Variants in EPHA4 observed in about 807,000 individuals in gnomAD.
EPHA4 encodes ephrin type-A receptor 4.
Under a neutral mutation model 108.3 loss-of-function variants are expected in EPHA4, and 19 were observed. The observed-to-expected ratio is 0.18, with a 90% confidence interval of 0.12 to 0.26. EPHA4 has a LOEUF of 0.26. Among genes scored for constraint, EPHA4 ranks in the 10% least tolerant of loss-of-function variants. The pLI, the probability that EPHA4 is intolerant of heterozygous loss-of-function variation, is 1.00. For missense variants in EPHA4, 917 were observed against 1,254.0 expected, an observed-to-expected ratio of 0.73 and a Z score of 4.06; for synonymous variants, 449 against 455.5, an observed-to-expected ratio of 0.99 and a Z score of 0.18.
chr2:221,548,357 C>T (rs890204396), intron 3 of EPHA4, among the ~76,000 whole-genome samples: 3 of 150,370 alleles, frequency 2.0e-5, no homozygotes, highest in African/African-American at 7.4e-5. Flanking sequence ...AGCGAGAGTC[C>T]GTCTCAAAAA....
chr2:221,426,250 C>T, intron 16 of EPHA4, 108 bp from the exon 17 acceptor site: 1 of 1,087,868 alleles, frequency 9.2e-7, no homozygotes, highest in Non-Finnish European at 1.4e-6. Context: ...ATTAATACAG[C>T]ACAACAAGGC....
chr2:221,424,433 A>C (rs918811323), intron 17 of EPHA4, among the ~76,000 whole-genome samples: 4 of 152,086 alleles, frequency 2.6e-5, no homozygotes, highest in Non-Finnish European at 5.9e-5. Context: ...AAGGTCGTTA[A>C]AATCAGCAAC....
In EPHA4 at chr2:221,572,268, T is replaced by A; in HGVS notation, c.-20A>T. 6.3e-7 allele frequency: 1 copy of A among 1,596,906 alleles called. No homozygotes were observed. Among genetic ancestry groups the A allele is most frequent in the Non-Finnish European group, 8.6e-7 (1 of 1,164,348 alleles). ...AGCCATGGTTCGCCGGTGCCAACGC[T>A]GCTCCTGCCGCTTCTATCCCAGTGG... On this transcript the variant is annotated 5_prime_UTR_variant, in exon 1 of 18. Transcript: ENST00000281821.
chr2:221,436,343 G>A (rs758835547), intron 13 of EPHA4, 56 bp downstream of exon 13: 3 of 1,547,970 alleles, frequency 1.9e-6, no homozygotes, highest in Non-Finnish European at 2.7e-6. Flanking sequence ...CTCAAAGTGA[G>A]AAGAGAGGAA....
chr2:221,510,478 T>C (rs530977794), intron 3 of EPHA4, among the ~76,000 whole-genome samples: 1 of 152,250 alleles, frequency 6.6e-6, no homozygotes, highest in East Asian at 1.9e-4. Context: ...ATTTTTCCCC[T>C]CTTACCTTGG....
At chr2:221,431,494 A>G (rs539520461) in intron 14 of EPHA4, among the ~76,000 whole-genome samples, 4 of 152,248 alleles carry the variant, frequency 2.6e-5, no homozygotes, top group African/African-American at 9.6e-5. Context: ...TCTCCTATGT[A>G]TTTTGCCAAT....
chr2:221,563,203 A>G (rs1216333668), intron 3 of EPHA4, among the ~76,000 whole-genome samples: 1 of 152,178 alleles, frequency 6.6e-6, no homozygotes, highest in Non-Finnish European at 1.5e-5. Flanking sequence ...GTTGGGTCAT[A>G]TCTCCACCGG....
At chr2:221,505,768 T>G (rs1301113540) in intron 3 of EPHA4, among the ~76,000 whole-genome samples, 3 of 152,180 alleles carry the variant, frequency 2.0e-5, no homozygotes. Flanking sequence ...ATGCTACTCT[T>G]GCAAACGCAG....
chr2:221,442,262 G>A (rs887804054), intron 11 of EPHA4, among the ~76,000 whole-genome samples: 2 of 152,172 alleles, frequency 1.3e-5, no homozygotes, highest in African/African-American at 4.8e-5. Flanking sequence ...GAGCTGTGTC[G>A]CATTTTAACT....
chr2:221,482,450 G>C lies in EPHA4; in HGVS notation c.1220C>G (p.Thr407Ser). 2 of 1,614,068 alleles carry C rather than the reference G, an allele frequency of 1.2e-6. No homozygotes were observed. Among genetic ancestry groups the C allele is most frequent in the Non-Finnish European group, 1.7e-6 (2 of 1,179,986 alleles). ...AGCCCAGATTTCAAAGGTGTAATTG[G>C]TATGAGCTAGGAGGTCAGTGATGGA... ...KVSITDLLAH[T>S]NYTFEIWAVN... is the part of the protein sequence containing the mutation. Residue 407 changes from threonine (T) to serine (S), a missense_variant, in exon 5 of 18, where the codon ACC becomes AGC. Physicochemically the swap from Thr to Ser is moderately conservative, Grantham distance 58. Around this residue, in one of 3 missense-constraint regions of EPHA4, gnomAD observed 758 missense variants for 1,076.7 expected, o/e 0.70. Coordinates refer to ENST00000281821, the MANE Select transcript of EPHA4 (RefSeq NM_004438.5).
chr2:221,512,966 C>T (rs1039358678), intron 3 of EPHA4, among the ~76,000 whole-genome samples: 1 of 152,094 alleles, frequency 6.6e-6, no homozygotes, highest in African/African-American at 2.4e-5. Context: ...GGGGACCTCA[C>T]CCATGCACCT....
intron 4 of EPHA4, among the ~76,000 whole-genome samples, chr2:221,485,990 C>A (rs1346010082): frequency 6.6e-6 from 1 of 152,132 alleles, no homozygotes; most frequent in Non-Finnish European, 1.5e-5. Context: ...AAACCTAACT[C>A]CGATTATTTT....
chr2:221,455,620 C>A lies in EPHA4; in HGVS notation c.1642G>T (p.Val548Phe). 1.2e-6 allele frequency: 2 copies of A among 1,613,906 alleles called. No homozygotes were observed. Among genetic ancestry groups the A allele is most frequent in the Non-Finnish European group, 1.7e-6 (2 of 1,179,902 alleles). Reference protein sequence around the residue: ...RIIGDGANSTVLLVSVSGSVV... With the variant: ...RIIGDGANSTFLLVSVSGSVV... ...CTGCCCGAGACAGAGACCAGAAGGA[C>A]TGTGGAGTTAGCCCCATCTCCAATG... Residue 548 changes from valine (V) to phenylalanine (F), a missense_variant, in exon 8 of 18, where the codon GTC (valine) becomes TTC (phenylalanine). Physicochemically the swap from Val to Phe is conservative, Grantham distance 50. This residue lies in a region of EPHA4 where 758 missense variants were observed against 1,076.7 expected (regional missense o/e 0.70). Transcript: ENST00000281821.
At position 221,435,401 on chromosome 2, in the gene EPHA4, G is replaced by A. The variant is rs1003851543; in HGVS notation, c.2346+998C>T. Among the ~76,000 whole-genome samples the A allele has an allele frequency of 5.3e-5, 7 of 131,650 alleles. No individual in the cohort carries two copies. In the East Asian group the frequency reaches 1.7e-3, roughly 33 times the overall value. 86.4% of individuals were successfully genotyped at this position (131,650 alleles called of 152,430 possible). A position where few individuals can be genotyped will look rare whatever the true frequency, so the allele number is the denominator to read the frequency against. ...AAGATCTATTCTTTTCTAAACGAATGGACTTGGAATTCAAAAGAGGACAAG... is the reference window on the plus strand; with the variant it reads ...AAGATCTATTCTTTTCTAAACGAATAGACTTGGAATTCAAAAGAGGACAAG... On this transcript the variant is annotated intron_variant, in intron 13 of 17. Coordinates refer to ENST00000281821, the MANE Select transcript of EPHA4 (RefSeq NM_004438.5).
At chr2:221,439,239 G>A (rs1370518080) in intron 11 of EPHA4, among the ~76,000 whole-genome samples, 3 of 151,712 alleles carry the variant, frequency 2.0e-5, no homozygotes, top group African/African-American at 7.3e-5. Flanking sequence ...GCTGGCAGGG[G>A]TGTGTCTGCA....
intron 4 of EPHA4, among the ~76,000 whole-genome samples, chr2:221,486,778 T>TAATA (rs1559262345): frequency 3.9e-5 from 5 of 129,068 alleles, no homozygotes; most frequent in African/African-American, 1.4e-4. Context: ...TAATAATAAT[T>TAATA]GATGTCTTTA....
At chr2:221,466,716 G>A (rs1049206270) in intron 5 of EPHA4, among the ~76,000 whole-genome samples, 4 of 152,128 alleles carry the variant, frequency 2.6e-5, no homozygotes, top group Non-Finnish European at 4.4e-5. Flanking sequence ...AACTCTATGA[G>A]ACAGGTACTA....
intron 3 of EPHA4, among the ~76,000 whole-genome samples, chr2:221,507,711 C>CA (rs1692674307): frequency 6.6e-6 from 1 of 152,080 alleles, no homozygotes; most frequent in African/African-American, 2.4e-5. Context: ...GAGATAAAGA[C>CA]AGAGACAACA....
chr2:221,431,262 C>T (rs1195305035), intron 14 of EPHA4, among the ~76,000 whole-genome samples: 1 of 152,160 alleles, frequency 6.6e-6, no homozygotes, highest in Non-Finnish European at 1.5e-5. Flanking sequence ...TTTCTATCAA[C>T]ATGATAGCTG....
Sources: gnomAD v4.1 joint callset for allele counts (sites outside exome capture counted in the v4.1 genomes callset) on GRCh38, gnomAD v4.1.1 for gene constraint, gnomAD v4.1.1 regional missense constraint, MANE v1.5 for transcripts, NCBI Gene and HGNC (gene_info 2026-07-23, HGNC 2026-07-21) for gene names.